JADE1: variants seen among roughly 807,000 people sequenced by gnomAD.
JADE1 encodes protein Jade-1.
Under a neutral mutation model 81.8 loss-of-function variants are expected in JADE1, and 14 were observed. The observed-to-expected ratio is 0.17, with a 90% CI of 0.11 to 0.27. The LOEUF is 0.27. Ranked by LOEUF, JADE1 falls within the 10% of genes least tolerant of loss-of-function variation. The pLI, the probability that JADE1 is intolerant of heterozygous loss-of-function variation, is 1.00. For missense variants in JADE1, 690 were observed against 1,047.9 expected, an observed-to-expected ratio of 0.66 and a Z score of 4.71; for synonymous variants, 353 against 391.9, an observed-to-expected ratio of 0.90 and a Z score of 1.17.
chr4:128,844,068 C>T lies in JADE1; in HGVS notation c.138+1030C>T, dbSNP rs188888905. ...TTTTTTCCTTTGAACCTTTAGTGCT[C>T]TCTTCCTTTTCTTTGCCAAGGAGTG... On this transcript the variant is annotated intron_variant, in intron 3 of 10. Transcript: ENST00000226319. Among the ~76,000 whole-genome samples the T allele has an allele frequency of 2.5e-3, 388 of 152,306 alleles. 5 individuals carry two copies. Among genetic ancestry groups the T allele is most frequent in the East Asian group, 3.7e-3 (19 of 5,188 alleles).
At position 128,873,292 on chromosome 4, in the gene JADE1, GAAAA is replaced by G. The variant is rs1198041271; in HGVS notation, c.*1033_*1036del. On this transcript the variant is annotated 3_prime_UTR_variant, in exon 11 of 11. Transcript: ENST00000226319. ...AAAAAAGAAAAAAAGAAAAAAAAAAGAAAAAAGAAAAAAAGAGAAAAAAGCGAAA... is the reference window on the plus strand; with the variant it reads ...AAAAAAGAAAAAAAGAAAAAAAAAAGAAGAAAAAAAGAGAAAAAAGCGAAA... 6 of 117,188 alleles carry G rather than the reference GAAAA, an allele frequency of 5.1e-5. No homozygotes were observed. Among genetic ancestry groups the G allele is most frequent in the Non-Finnish European group, 1.1e-4 (6 of 54,962 alleles). The allele number at this position is 117,188 out of a possible 1,614,324, so 7.3% of individuals were successfully genotyped here. A position where few individuals can be genotyped will look rare whatever the true frequency, so the allele number is the denominator to read the frequency against.
In JADE1 at chr4:128,872,148, C is replaced by T. The variant is rs560801983; in HGVS notation, c.2415C>T (p.Pro805=). 26 of 1,613,996 alleles carry T rather than the reference C, an allele frequency of 1.6e-5. No individual in the cohort carries two copies. The highest frequency in any genetic ancestry group is 5.3e-5 in the African/African-American group (4 of 74,912). The change falls in exon 11 of 11, where the codon CCC becomes CCT. Residue 805 remains proline (P), a synonymous_variant. Transcript: ENST00000226319. ...ACAATGAGAATGACGGGTATGTCCC[C>T]GATGTGGAAATGAGTGACTCAGAGA... The part of the protein sequence containing the change: ...KSDNENDGYV[P]DVEMSDSESE...
chr4:128,829,353 T>C (rs924751438), intron 1 of JADE1, among the ~76,000 whole-genome samples: 2 of 152,208 alleles, frequency 1.3e-5, no homozygotes, highest in Non-Finnish European at 2.9e-5. Context: ...TCATGACCCA[T>C]ACTGATCAGG....
At position 128,831,758 on chromosome 4, in the gene JADE1, C is replaced by T; in HGVS notation, c.-1C>T. ...GCTGCCTGCTGTTTCCCGGGGAGAT[C>T]ATGAAACGAGGTCGCCTTCCCAGCA... On this transcript the variant is annotated 5_prime_UTR_variant, in exon 2 of 11. Transcript: ENST00000226319. 1 of 1,614,158 alleles carries T rather than the reference C, an allele frequency of 6.2e-7. No homozygotes were observed. The highest frequency in any genetic ancestry group is 8.5e-7 in the Non-Finnish European group (1 of 1,180,030).
At chr4:128,857,581 TC>T in intron 8 of JADE1, 127 bp downstream of exon 8, 1 of 725,342 alleles carries the variant, frequency 1.4e-6, no homozygotes, top group Non-Finnish European at 2.4e-6. Context: ...AGGACGAGGT[TC>T]CCAAGGGGTG....
rs925648069 is a variant in JADE1 at position 128,871,007 on chromosome 4, T to C, written c.1622-348T>C. 9.2e-5 allele frequency among the ~76,000 whole-genome samples: 14 copies of C among 152,210 alleles called. No individual in the cohort carries two copies. Among genetic ancestry groups the C allele is most frequent in the South Asian group, 4.2e-4 (2 of 4,816 alleles). On this transcript the variant is annotated intron_variant, in intron 10 of 10. Coordinates refer to ENST00000226319, the MANE Select transcript of JADE1 (RefSeq NM_199320.4). This position sits in a 1 kb window ranked among gnomAD's most constrained non-coding sequence, Gnocchi z 4.1. ...GCGCAGGTGCTGCTCTGTAACCAGG[T>C]AGAGGGAGCAGAGGCAGCCATCAGC...
intron 6 of JADE1, among the ~76,000 whole-genome samples, chr4:128,855,175 A>T (rs1228261740): frequency 1.3e-5 from 2 of 151,476 alleles, no homozygotes; most frequent in Non-Finnish European, 2.9e-5. Flanking sequence ...TTTTCTCCAC[A>T]CTCTGTATTC....
At chr4:128,831,500 G>A (rs1357997323) in intron 1 of JADE1, 1 of 517,196 alleles carries the variant, frequency 1.9e-6, no homozygotes, top group Non-Finnish European at 3.5e-6. Context: ...TGGCATCTTT[G>A]GGAGACCTAC....
intron 1 of JADE1, among the ~76,000 whole-genome samples, chr4:128,823,524 A>G (rs1168415967): frequency 1.3e-5 from 2 of 152,122 alleles, no homozygotes; most frequent in East Asian, 1.9e-4. Context: ...GGAGGTGGCT[A>G]TTGCTAATGT....
chr4:128,809,982 ACGG>A (rs778572627), intron 1 of JADE1, 105 bp downstream of exon 1: 129 of 158,756 alleles, frequency 8.1e-4, no homozygotes, highest in Middle Eastern at 5.7e-3. Context: ...CGCGGCGGCG[ACGG>A]CGGCGGCGGC....
chr4:128,846,322 C>G lies in JADE1; in HGVS notation c.139-53C>G. ...TGGTTACATTGCAGCTGCCAGCACT[C>G]TGAATAAGAATGCAAATATCAAATG... On this transcript the variant is annotated intron_variant, in intron 3 of 10. Transcript: ENST00000226319. The surrounding 1 kb of genome is among the most constrained non-coding windows in gnomAD (Gnocchi z 4.0). 1 of 1,570,506 alleles carries G rather than the reference C, an allele frequency of 6.4e-7. No individual in the cohort carries two copies. The highest frequency in any genetic ancestry group is 8.7e-7 in the Non-Finnish European group (1 of 1,144,816).
At position 128,871,864 on chromosome 4, in the gene JADE1, C is replaced by A. The variant is rs1251962943; in HGVS notation, c.2131C>A (p.Pro711Thr). Residue 711 changes from proline to threonine, a missense_variant, in exon 11 of 11, where the codon CCT becomes ACT. By Grantham distance (38) the Pro-to-Thr change is conservative. This residue lies in a region of JADE1 where 218 missense variants were observed against 274.3 expected (regional missense o/e 0.79). Coordinates refer to ENST00000226319, the MANE Select transcript of JADE1 (RefSeq NM_199320.4). This position sits in a 1 kb window ranked among gnomAD's most constrained non-coding sequence, Gnocchi z 4.1. The part of the protein sequence containing the change: ...ATSPGVGQSA[P>T]GTRKEIVPKC... ...CTCCCCTGGAGTGGGGCAGTCAGCA[C>A]CTGGCACAAGGAAGGAGATAGTGCC... The A allele has an allele frequency of 1.2e-6, 2 of 1,614,060 alleles. No homozygotes were observed. Among genetic ancestry groups the A allele is most frequent in the South Asian group, 1.1e-5 (1 of 91,074 alleles).
intron 9 of JADE1, chr4:128,863,538 C>T: frequency 9.1e-6 from 9 of 985,392 alleles, no homozygotes; most frequent in Non-Finnish European, 1.1e-5. Context: ...TAATACACGA[C>T]TGAGTGCCAG....
rs1220786495 is a variant in JADE1, at chr4:128,874,284, G to A, written c.*2022G>A. 1 of 152,432 alleles carries A rather than the reference G, an allele frequency of 6.6e-6. No homozygotes were observed. Among genetic ancestry groups the A allele is most frequent in the African/African-American group, 2.4e-5 (1 of 41,390 alleles). The allele number at this position is 152,432 out of a possible 1,614,324, so 9.4% of individuals were successfully genotyped here. A position where few individuals can be genotyped will look rare whatever the true frequency, so the allele number is the denominator to read the frequency against. ...TGGGTGAGAGTAGAATTTATAGAGGGATAATTTGTCAAGCCATAGAAAGAA... is the reference window on the plus strand; with the variant it reads ...TGGGTGAGAGTAGAATTTATAGAGGAATAATTTGTCAAGCCATAGAAAGAA... On this transcript the variant is annotated 3_prime_UTR_variant, in exon 11 of 11. Transcript: ENST00000226319.
intron 1 of JADE1, among the ~76,000 whole-genome samples, chr4:128,819,688 A>G (rs978682198): frequency 1.3e-5 from 2 of 152,248 alleles, no homozygotes; most frequent in African/African-American, 4.8e-5. Flanking sequence ...TGCAAAATGA[A>G]TGGCATTTGT....
At chr4:128,869,668 G>A (rs1732043006) in intron 10 of JADE1, among the ~76,000 whole-genome samples, 1 of 152,210 alleles carries the variant, frequency 6.6e-6, no homozygotes, top group South Asian at 2.1e-4. Context: ...AAGTCTGGGA[G>A]TTATTTTGTG....
chr4:128,847,888 C>T (rs1223440226), intron 4 of JADE1, among the ~76,000 whole-genome samples: 2 of 152,192 alleles, frequency 1.3e-5, no homozygotes, highest in East Asian at 1.9e-4. Context: ...TGTGGAAATG[C>T]ATATGTGGAA....
intron 5 of JADE1, among the ~76,000 whole-genome samples, chr4:128,849,503 G>A (rs1730160862): frequency 6.6e-6 from 1 of 152,210 alleles, no homozygotes; most frequent in Non-Finnish European, 1.5e-5. Context: ...ACCTGCTCTA[G>A]TGTTTTTTTC....
chr4:128,853,885 C>G (rs1431309351), intron 6 of JADE1, among the ~76,000 whole-genome samples: 1 of 152,192 alleles, frequency 6.6e-6, no homozygotes, highest in Admixed American at 6.5e-5. Flanking sequence ...AGACCTGCGA[C>G]TCCTGCTTCA....
Sources: allele counts gnomAD v4.1 joint callset (sites outside exome capture counted in the v4.1 genomes callset), GRCh38; gene constraint gnomAD v4.1.1; regional missense constraint gnomAD v4.1.1; non-coding constraint Gnocchi (gnomAD v3.1); transcripts MANE v1.5; gene names NCBI Gene and HGNC (gene_info 2026-07-23, HGNC 2026-07-21).